The following PRTG variants were observed in gnomAD, a reference collection of about 807,000 sequenced individuals.
PRTG encodes the protein protogenin, also known as immunoglobulin superfamily, DCC subclass, member 5.
PRTG carries 67 observed loss-of-function variants against 122.5 expected under a neutral mutation model. That is an observed-to-expected ratio of 0.55 (90% CI 0.45 to 0.67). The LOEUF is 0.67. Ranked by LOEUF, PRTG falls within the 30% of genes least tolerant of loss-of-function variation. The pLI, the probability that PRTG is intolerant of heterozygous loss-of-function variation, is 0.00. For synonymous variants in PRTG, 554 were observed against 501.1 expected (o/e 1.11, Z -1.41); for missense variants, 1,435 against 1,415.4 (o/e 1.01, Z -0.22).
At position 55,673,502 on chromosome 15, in the gene PRTG, T is replaced by C. The variant is rs375709134; in HGVS notation, c.1721A>G (p.His574Arg). ...TTTCAGGCCTTCCAAAAGGTACTCA[T>C]GCGTGGTCCCCGGGAGCTCCAGAAC... ...IQVLELPGTT[H>R]EYLLEGLKPD... The change falls in exon 10 of 20, where the codon CAT becomes CGT. Residue 574 changes from histidine to arginine, a missense_variant. His to Arg is a conservative substitution (Grantham distance 29). Transcript: ENST00000389286. 47 of 1,614,028 alleles carry C rather than the reference T, an allele frequency of 2.9e-5. No individual in the cohort carries two copies. The highest frequency in any genetic ancestry group is 3.6e-5 in the Non-Finnish European group (43 of 1,180,032).
rs1444861589 is a variant in PRTG, at chr15:55,677,858, C to G, written c.1320G>C (p.Glu440Asp). The change falls in exon 8 of 20, where the codon GAG becomes GAC. Residue 440 changes from glutamate (E) to aspartate (D), a missense_variant. Glu to Asp is a conservative substitution (Grantham distance 45, BLOSUM62 2). Coordinates refer to ENST00000389286, the MANE Select transcript of PRTG (RefSeq NM_173814.6). ...MSSSAILLAW[E>D]RPLYNSDKVI... is the part of the protein sequence containing the mutation. ...CTTTGTCTGAATTATAAAGTGGCCTCTCCCAGGCTAAAAGAATGGCTGAGC... is the reference window on the plus strand; with the variant it reads ...CTTTGTCTGAATTATAAAGTGGCCTGTCCCAGGCTAAAAGAATGGCTGAGC... 1 of 1,613,904 alleles carries G rather than the reference C, an allele frequency of 6.2e-7. No individual in the cohort carries two copies.
At chr15:55,633,291 C>T (rs1450744167) in intron 15 of PRTG, among the ~76,000 whole-genome samples, 1 of 152,020 alleles carries the variant, frequency 6.6e-6, no homozygotes, top group Non-Finnish European at 1.5e-5. Context: ...CTCACTGCAA[C>T]TGCTGTCTCC....
At chr15:55,688,081 A>C (rs930214407) in intron 2 of PRTG, among the ~76,000 whole-genome samples, 7 of 152,220 alleles carry the variant, frequency 4.6e-5, no homozygotes, top group South Asian at 2.1e-4. Context: ...AGAAAACTCT[A>C]AACATGTCTT....
intron 2 of PRTG, among the ~76,000 whole-genome samples, chr15:55,691,702 T>C (rs1443130768): frequency 7.0e-6 from 1 of 142,284 alleles, no homozygotes; most frequent in African/African-American, 2.6e-5. Context: ...AAAAAGAATA[T>C]GTGTTAAATT....
intron 1 of PRTG, chr15:55,742,262 T>A (rs2031631936): frequency 6.6e-6 from 1 of 152,226 alleles, no homozygotes; most frequent in African/African-American, 2.4e-5. Context: ...TCCCATCTCC[T>A]CCTGGCTGGA....
chr15:55,696,483 C>G (rs907549313), intron 2 of PRTG, among the ~76,000 whole-genome samples: 1 of 152,200 alleles, frequency 6.6e-6, no homozygotes, highest in Non-Finnish European at 1.5e-5. Context: ...TACTTGAAGA[C>G]TGACATGCAA....
chr15:55,669,516 T>C (rs2059456597), intron 11 of PRTG, among the ~76,000 whole-genome samples: 1 of 152,110 alleles, frequency 6.6e-6, no homozygotes, highest in African/African-American at 2.4e-5. Context: ...CCTCCCAATA[T>C]TCGAAAGTAA....
At chr15:55,685,523 T>C (rs527515842) in intron 2 of PRTG, among the ~76,000 whole-genome samples, 5 of 152,306 alleles carry the variant, frequency 3.3e-5, no homozygotes, top group Non-Finnish European at 7.4e-5. Flanking sequence ...ATGTAATGCA[T>C]GGTATTACAA....
At chr15:55,636,074 T>G (rs59647323) in intron 15 of PRTG, among the ~76,000 whole-genome samples, 29,265 of 151,470 alleles carry the variant, frequency 0.19, 3,794 homozygotes, top group East Asian at 0.56. Context: ...TGTGCATGCC[T>G]GTAATCCCAG....
intron 11 of PRTG, among the ~76,000 whole-genome samples, chr15:55,670,338 T>C (rs145676607): frequency 5.9e-5 from 9 of 152,344 alleles, no homozygotes; most frequent in Admixed American, 2.6e-4. Context: ...ATCTTCTATA[T>C]ATTCATATTT....
chr15:55,726,371 C>G (rs572601856), intron 2 of PRTG, among the ~76,000 whole-genome samples: 1 of 152,118 alleles, frequency 6.6e-6, no homozygotes, highest in East Asian at 1.9e-4. Flanking sequence ...GCTACTGTGC[C>G]CAGCCAAGAG....
At position 55,708,148 on chromosome 15, in the gene PRTG, TAAAAAAAAAAAAAA is replaced by T. The variant is rs35216342; in HGVS notation, c.398-24231_398-24218del. ...CCTGTGGAAAGGAGGAGTAAGCTGG[TAAAAAAAAAAAAAA>T]AAAAAAAAAAAAAAACAGAGGCAGA... is the stretch of plus-strand genomic sequence containing the variant. On this transcript the variant is annotated intron_variant, in intron 2 of 19. Coordinates refer to ENST00000389286, the MANE Select transcript of PRTG (RefSeq NM_173814.6). Among the ~76,000 whole-genome samples, 15 of 70,042 alleles carry T rather than the reference TAAAAAAAAAAAAAA, an allele frequency of 2.1e-4. 1 individual carries two copies. The highest frequency in any genetic ancestry group is 8.1e-4 in the African/African-American group (13 of 15,998). The allele number at this position is 70,042 out of a possible 152,430, so 46.0% of individuals were successfully genotyped here. A position where few individuals can be genotyped will look rare whatever the true frequency, so the allele number is the denominator to read the frequency against.
rs538593252 is a variant in PRTG, at chr15:55,613,491, G to A, written c.*6521C>T. On this transcript the variant is annotated 3_prime_UTR_variant, in exon 20 of 20. Coordinates refer to ENST00000389286, the MANE Select transcript of PRTG (RefSeq NM_173814.6). ...TACCTTATTTGTAATGTAACTCTAAGTACAAACAGCCTTCAGACACAATTT... is the reference window on the plus strand; with the variant it reads ...TACCTTATTTGTAATGTAACTCTAAATACAAACAGCCTTCAGACACAATTT... 2 of 152,204 alleles carry A rather than the reference G, an allele frequency of 1.3e-5. No homozygotes were observed. The highest frequency in any genetic ancestry group is 3.9e-4 in the East Asian group (2 of 5,184). 9.4% of individuals were successfully genotyped at this position (152,204 alleles called of 1,614,324 possible). A position where few individuals can be genotyped will look rare whatever the true frequency, so the allele number is the denominator to read the frequency against.
rs988950792 is a variant in PRTG at position 55,619,891 on chromosome 15, T to C, written c.*121A>G. Reference sequence around the variant, plus strand: ...TTGGAAAATCATTTTTATCAAAGCATAGCATGGCAGATGGCGGCTGCAGAA... The same window carrying C: ...TTGGAAAATCATTTTTATCAAAGCACAGCATGGCAGATGGCGGCTGCAGAA... On this transcript the variant is annotated 3_prime_UTR_variant, in exon 20 of 20. Coordinates refer to ENST00000389286, the MANE Select transcript of PRTG (RefSeq NM_173814.6). 40 of 1,499,592 alleles carry C rather than the reference T, an allele frequency of 2.7e-5. No individual in the cohort carries two copies. The highest frequency in any genetic ancestry group is 3.3e-5 in the Non-Finnish European group (37 of 1,114,530). The allele number at this position is 1,499,592 out of a possible 1,614,324, so 92.9% of individuals were successfully genotyped here.
At chr15:55,623,391 A>C (rs1295572250) in intron 18 of PRTG, among the ~76,000 whole-genome samples, 1 of 152,158 alleles carries the variant, frequency 6.6e-6, no homozygotes, top group Non-Finnish European at 1.5e-5. Context: ...AACACGGTGA[A>C]ACCCCATCTC....
At chr15:55,629,251 T>C (rs1365392182) in intron 15 of PRTG, among the ~76,000 whole-genome samples, 1 of 152,160 alleles carries the variant, frequency 6.6e-6, no homozygotes, top group African/African-American at 2.4e-5. Context: ...TTTTTATATA[T>C]TAGAGTTTTC....
chr15:55,679,013 T>C (rs931226869), intron 7 of PRTG, among the ~76,000 whole-genome samples: 1 of 152,214 alleles, frequency 6.6e-6, no homozygotes, highest in African/African-American at 2.4e-5. Context: ...GGTGGCTTAA[T>C]AGCACTAGAA....
At chr15:55,671,853 G>T (rs1409744875) in intron 11 of PRTG, among the ~76,000 whole-genome samples, 2 of 152,094 alleles carry the variant, frequency 1.3e-5, no homozygotes, top group Admixed American at 1.3e-4. Context: ...TTTATATCAT[G>T]AAATTCCTTT....
At chr15:55,731,873 T>C (rs1487860831) in intron 2 of PRTG, among the ~76,000 whole-genome samples, 2 of 152,212 alleles carry the variant, frequency 1.3e-5, no homozygotes, top group African/African-American at 2.4e-5. Context: ...ATGACAGAGA[T>C]ACGTTCTGAG....
Sources: gnomAD v4.1 joint callset for allele counts (sites outside exome capture counted in the v4.1 genomes callset) on GRCh38, gnomAD v4.1.1 for gene constraint, MANE v1.5 for transcripts, NCBI Gene and HGNC (gene_info 2026-07-23, HGNC 2026-07-21) for gene names.